Variants in PLCXD2 observed in about 807,000 individuals in gnomAD.
PLCXD2 encodes phosphatidylinositol specific phospholipase C X domain containing 2.
In PLCXD2, 21 loss-of-function variants were observed where a neutral mutation model predicts 28.6. That is an observed-to-expected ratio of 0.73 (90% CI 0.52 to 1.06). The LOEUF is 1.06. PLCXD2 is among the 50% of genes least tolerant of loss of function. The pLI is 0.00. For synonymous variants in PLCXD2, 140 were observed against 150.1 expected (o/e 0.93, Z 0.49); for missense variants, 369 against 376.7 (o/e 0.98, Z 0.17).
rs772996504 is a variant in PLCXD2, at chr3:111,708,157, A to G, written c.395A>G (p.His132Arg). 26 of 1,614,062 alleles carry G rather than the reference A, an allele frequency of 1.6e-5. No homozygotes were observed. The Admixed American group carries it at 4.2e-4, about 26-fold the overall frequency. The change falls in exon 2 of 5, where the codon CAT becomes CGT. Residue 132 changes from histidine to arginine, a missense_variant. By Grantham distance (29) the His-to-Arg change is conservative (BLOSUM62 0). Coordinates refer to ENST00000477665, the MANE Select transcript of PLCXD2 (RefSeq NM_001185106.1). Reference sequence around the variant, plus strand: ...GCCGACCAGGAGATCTACTTCATCCATGGGCTTTTTGGCATCAAGGTCTGG... The same window carrying G: ...GCCGACCAGGAGATCTACTTCATCCGTGGGCTTTTTGGCATCAAGGTCTGG...
chr3:111,699,696 A>G (rs1450106141), intron 1 of PLCXD2, among the ~76,000 whole-genome samples: 1 of 152,168 alleles, frequency 6.6e-6, no homozygotes, highest in Admixed American at 6.5e-5. Flanking sequence ...TTGCTGCCAC[A>G]GGGACTTGAT....
intron 2 of PLCXD2, among the ~76,000 whole-genome samples, chr3:111,713,142 G>T (rs1015117652): frequency 3.3e-5 from 5 of 152,238 alleles, no homozygotes; most frequent in Non-Finnish European, 7.3e-5. Context: ...TGTCAGTTTT[G>T]TAATTACAGG....
intron 1 of PLCXD2, among the ~76,000 whole-genome samples, chr3:111,682,417 T>C (rs186503084): frequency 4.7e-4 from 72 of 152,348 alleles, no homozygotes; most frequent in South Asian, 1.4e-3. Flanking sequence ...GGGGTTTTTT[T>C]GTTAATGTCC....
chr3:111,704,304 A>C (rs138233416), intron 1 of PLCXD2, among the ~76,000 whole-genome samples: 175 of 152,364 alleles, frequency 1.1e-3, no homozygotes, highest in African/African-American at 4.0e-3. Context: ...CCCTCACCTC[A>C]GAGCCAGTCA....
intron 2 of PLCXD2, among the ~76,000 whole-genome samples, 192 bp from the exon 3 acceptor site, chr3:111,713,695 A>G (rs1456438057): frequency 6.6e-6 from 1 of 152,178 alleles, no homozygotes; most frequent in African/African-American, 2.4e-5. Context: ...AGAATTTTTG[A>G]GTCAGACATA....
At chr3:111,706,070 G>C (rs1328133367) in intron 1 of PLCXD2, among the ~76,000 whole-genome samples, 1 of 152,030 alleles carries the variant, frequency 6.6e-6, no homozygotes, top group Non-Finnish European at 1.5e-5. Context: ...TGTTGCCTAG[G>C]CTGGTCTCAA....
chr3:111,696,808 G>A (rs1461695852), intron 1 of PLCXD2, among the ~76,000 whole-genome samples: 2 of 152,074 alleles, frequency 1.3e-5, no homozygotes, highest in Admixed American at 1.3e-4. Context: ...TAAAAATTTG[G>A]AGCTTACATG....
chr3:111,708,119 C>T lies in PLCXD2; in HGVS notation c.357C>T (p.Ser119=). ...GCTACTTTGACCTGCGTGTGTCTTC[C>T]AAACCAGGGGATGCCGACCAGGAGA... is the stretch of plus-strand genomic sequence containing the variant. Residue 119 remains serine (S), a synonymous_variant, in exon 2 of 5, where the codon TCC becomes TCT. Transcript: ENST00000477665. 6.2e-7 allele frequency: 1 copy of T among 1,614,198 alleles called. No individual in the cohort carries two copies. Among genetic ancestry groups the T allele is most frequent in the Non-Finnish European group, 8.5e-7 (1 of 1,180,036 alleles).
At chr3:111,698,071 C>T (rs906689696) in intron 1 of PLCXD2, among the ~76,000 whole-genome samples, 7 of 152,156 alleles carry the variant, frequency 4.6e-5, no homozygotes. Flanking sequence ...TAAATATTTA[C>T]TGAGGTTTCA....
intron 1 of PLCXD2, among the ~76,000 whole-genome samples, chr3:111,703,885 C>G (rs973840687): frequency 1.3e-5 from 2 of 152,278 alleles, no homozygotes; most frequent in Admixed American, 6.5e-5. Context: ...TTCTCACTTG[C>G]AAAATTCAAT....
At chr3:111,716,904 C>T (rs1576464719) in intron 3 of PLCXD2, among the ~76,000 whole-genome samples, 1 of 152,220 alleles carries the variant, frequency 6.6e-6, no homozygotes, top group East Asian at 1.9e-4. Context: ...CAAAGAGACA[C>T]CACAGATATG....
intron 2 of PLCXD2, among the ~76,000 whole-genome samples, chr3:111,708,937 A>G (rs1254952663): frequency 2.0e-5 from 3 of 152,170 alleles, no homozygotes; most frequent in Admixed American, 2.0e-4. Flanking sequence ...AGAGCATTCC[A>G]TAGTCTGCTT....
At chr3:111,723,241 C>T (rs1941370454) in intron 3 of PLCXD2, 1 of 152,158 alleles carries the variant, frequency 6.6e-6, no homozygotes, top group Non-Finnish European at 1.5e-5. Context: ...TTATTTGAGC[C>T]TCGGCTTTGT....
chr3:111,694,168 C>G (rs7646687), intron 1 of PLCXD2, among the ~76,000 whole-genome samples: 8,715 of 152,246 alleles, frequency 0.057, 470 homozygotes, highest in African/African-American at 0.14. Flanking sequence ...TTGATTCTCA[C>G]CCTCCTCAGC....
intron 1 of PLCXD2, among the ~76,000 whole-genome samples, chr3:111,690,535 G>A (rs1422354446): frequency 6.6e-6 from 1 of 152,250 alleles, no homozygotes; most frequent in Non-Finnish European, 1.5e-5. Context: ...AGACCAGCAT[G>A]AGGCTTTAGC....
At chr3:111,720,092 G>A (rs1420864706) in intron 3 of PLCXD2, among the ~76,000 whole-genome samples, 1 of 151,852 alleles carries the variant, frequency 6.6e-6, no homozygotes, top group Non-Finnish European at 1.5e-5. Flanking sequence ...GGATCTAGGT[G>A]GTGGATATAT....
chr3:111,681,869 A>G (rs1320659797), intron 1 of PLCXD2, among the ~76,000 whole-genome samples: 1 of 152,200 alleles, frequency 6.6e-6, no homozygotes, highest in African/African-American at 2.4e-5. Flanking sequence ...GCCTCTAGGA[A>G]CTTAGGAGCA....
At chr3:111,701,188 CACTT>C (rs1262304736) in intron 1 of PLCXD2, among the ~76,000 whole-genome samples, 4 of 152,208 alleles carry the variant, frequency 2.6e-5, no homozygotes, top group Admixed American at 1.3e-4. Context: ...TACAGTTCAG[CACTT>C]ACTAAGTGTC....
In PLCXD2 at chr3:111,697,575, G is replaced by A. The variant is rs568988600; in HGVS notation, c.164-10351G>A. 8.5e-5 allele frequency among the ~76,000 whole-genome samples: 13 copies of A among 152,298 alleles called. No individual in the cohort carries two copies. The South Asian group carries it at 1.4e-3, about 17-fold the overall frequency. Reference sequence around the variant, plus strand: ...TGTGGATGATTACATTGGTGTTTGAGTGTTTTAATGATATTTGGTATTTGA... The same window carrying A: ...TGTGGATGATTACATTGGTGTTTGAATGTTTTAATGATATTTGGTATTTGA... On this transcript the variant is annotated intron_variant, in intron 1 of 4. Transcript: ENST00000477665.
Sources: allele counts gnomAD v4.1 joint callset (sites outside exome capture counted in the v4.1 genomes callset), GRCh38; gene constraint gnomAD v4.1.1; transcripts MANE v1.5; gene names NCBI Gene and HGNC (gene_info 2026-07-23, HGNC 2026-07-21).